The following LRRK2 variants were observed in gnomAD, a reference collection of about 807,000 sequenced individuals.
LRRK2 encodes leucine-rich repeat serine/threonine-protein kinase 2.
In LRRK2, 203 loss-of-function variants were observed where a neutral mutation model predicts 302.6. The ratio of observed to expected loss-of-function variants is 0.67; its 90% CI spans 0.60 to 0.75. LRRK2 has a LOEUF of 0.75. Among genes scored for constraint, LRRK2 ranks in the 30% least tolerant of loss-of-function variants. The pLI is 0.00. For missense variants in LRRK2, 2,830 were observed against 2,951.0 expected (o/e 0.96, Z 0.95); for synonymous variants, 1,066 against 1,031.9 (o/e 1.03, Z -0.63).
At chr12:40,362,979 A>G (rs1247358150) in intron 47 of LRRK2, among the ~76,000 whole-genome samples, 1 of 152,068 alleles carries the variant, frequency 6.6e-6, no homozygotes, top group Non-Finnish European at 1.5e-5. Context: ...TATATTTTAT[A>G]ACTCTAGGTA....
rs2136706126 is a variant in LRRK2, at chr12:40,293,554, G to C, written c.2699G>C (p.Gly900Ala). ...SDDLDSEGSE[G>A]SFLVKKKSNS... ...ATCATTTTCAAAATAGGAAGTGAAG[G>C]CTCATTTCTTGTGAAAAAGAAATCT... The change falls in exon 21 of 51, where the codon GGC becomes GCC. Residue 900 changes from glycine to alanine, a missense_variant. Gly to Ala is a moderately conservative substitution (Grantham distance 60). This residue lies in a region of LRRK2 where 2,121 missense variants were observed against 2,148.0 expected (regional missense o/e 0.99). Coordinates refer to ENST00000298910, the MANE Select transcript of LRRK2 (RefSeq NM_198578.4). The C allele has an allele frequency of 1.9e-6, 3 of 1,595,658 alleles. No homozygotes were observed. Among genetic ancestry groups the C allele is most frequent in the South Asian group, 1.1e-5 (1 of 90,418 alleles).
intron 20 of LRRK2, 113 bp downstream of exon 20, chr12:40,287,652 T>A: frequency 9.4e-7 from 1 of 1,067,262 alleles, no homozygotes; most frequent in Non-Finnish European, 1.4e-6. Flanking sequence ...TGAGTAGAAA[T>A]GTGTTTATTA....
chr12:40,331,008 A>G (rs1384513373), intron 39 of LRRK2, among the ~76,000 whole-genome samples: 1 of 151,996 alleles, frequency 6.6e-6, no homozygotes, highest in Non-Finnish European at 1.5e-5. Flanking sequence ...TAAAATGTCC[A>G]TAGGTGTTTC....
chr12:40,271,650 C>A (rs1289217786), intron 14 of LRRK2, among the ~76,000 whole-genome samples: 2 of 152,052 alleles, frequency 1.3e-5, no homozygotes, highest in African/African-American at 2.4e-5. Flanking sequence ...AAAGGAAATT[C>A]TATTGTGGGC....
Position 40,243,820 on chromosome 12 carries a change from A to T in LRRK2, c.838+139A>T, listed in dbSNP as rs972529922. On this transcript the variant is annotated intron_variant, in intron 7 of 50. Coordinates refer to ENST00000298910, the MANE Select transcript of LRRK2 (RefSeq NM_198578.4). The stretch of plus-strand genomic sequence containing the variant: ...AATATTGTAAAATCCCAGAAAAAAT[A>T]AATTAAAACAAAAAGAAAATACTGT... 3.5e-6 allele frequency: 3 copies of T among 864,210 alleles called. No homozygotes were observed. The Admixed American group carries it at 7.9e-5, about 23-fold the overall frequency. The allele number at this position is 864,210 out of a possible 1,614,324, so 53.5% of individuals were successfully genotyped here. A position where few individuals can be genotyped will look rare whatever the true frequency, so the allele number is the denominator to read the frequency against.
chr12:40,321,207 C>G lies in LRRK2; in HGVS notation c.5170+19C>G. On this transcript the variant is annotated intron_variant, in intron 35 of 50. Transcript: ENST00000298910. Reference sequence around the variant, plus strand: ...GGGAGAGGTAAGTATCTAATGAAGACTTATTAGATTTTTAGAGACTATTAA... The same window carrying G: ...GGGAGAGGTAAGTATCTAATGAAGAGTTATTAGATTTTTAGAGACTATTAA... The G allele has an allele frequency of 6.2e-7, 1 of 1,601,550 alleles. No homozygotes were observed.
chr12:40,327,153 G>T lies in LRRK2; in HGVS notation c.5657-1207G>T, dbSNP rs375932943. On this transcript the variant is annotated intron_variant, in intron 38 of 50. Transcript: ENST00000298910. The stretch of plus-strand genomic sequence containing the variant: ...AAACAGGATTTGCTAAATGTCGGTG[G>T]AGAGTAACAGTCCACGGGGCTGATC... Among the ~76,000 whole-genome samples the T allele has an allele frequency of 4.6e-5, 7 of 152,032 alleles. No individual in the cohort carries two copies. The South Asian group carries it at 8.3e-4, about 18-fold the overall frequency.
At chr12:40,336,223 A>T (rs775243693) in intron 40 of LRRK2, among the ~76,000 whole-genome samples, 4 of 152,150 alleles carry the variant, frequency 2.6e-5, no homozygotes, top group African/African-American at 4.8e-5. Flanking sequence ...GATTTCACTC[A>T]GGAATGTCTG....
chr12:40,231,234 AATTCTGTCAGGTAGAT>A, intron 2 of LRRK2, among the ~76,000 whole-genome samples: 1 of 151,974 alleles, frequency 6.6e-6, no homozygotes, highest in East Asian at 1.9e-4. Context: ...ATGTGGAGGA[AATTCTGTCAGGTAGAT>A]ATGACTTAAA....
chr12:40,266,445 C>A (rs1189284876), intron 14 of LRRK2, among the ~76,000 whole-genome samples: 1 of 152,186 alleles, frequency 6.6e-6, no homozygotes, highest in Non-Finnish European at 1.5e-5. Flanking sequence ...ATCAAAACCA[C>A]AATGATATAC....
Position 40,363,337 on chromosome 12 carries a change from A to G in LRRK2, c.7029-65A>G, listed in dbSNP as rs1946773059. ...ACATTAAGAACTAATATAAGGTTGT[A>G]TTACACGTAGAAATTTTAAGAAGAA... On this transcript the variant is annotated intron_variant, in intron 47 of 50. Coordinates refer to ENST00000298910, the MANE Select transcript of LRRK2 (RefSeq NM_198578.4). The G allele has an allele frequency of 6.0e-6, 9 of 1,492,370 alleles. No individual in the cohort carries two copies. In the South Asian group the frequency reaches 1.0e-4, roughly 17 times the overall value. The allele number at this position is 1,492,370 out of a possible 1,614,324, so 92.4% of individuals were successfully genotyped here.
At chr12:40,344,490 G>A (rs978813863) in intron 41 of LRRK2, among the ~76,000 whole-genome samples, 2 of 152,134 alleles carry the variant, frequency 1.3e-5, no homozygotes, top group Non-Finnish European at 2.9e-5. Context: ...TGACTTTGCT[G>A]TTCATTATCT....
intron 33 of LRRK2, chr12:40,316,166 T>C (rs1193374592): frequency 4.4e-6 from 1 of 227,810 alleles, no homozygotes; most frequent in Non-Finnish European, 7.3e-6. Flanking sequence ...CTGCCCGAGT[T>C]CCTAAAATTA....
At chr12:40,292,522 ATCT>A (rs1348101378) in intron 20 of LRRK2, among the ~76,000 whole-genome samples, 2 of 151,724 alleles carry the variant, frequency 1.3e-5, no homozygotes, top group African/African-American at 4.8e-5. Context: ...TAATTTAATA[ATCT>A]TTATAATTAT....
In LRRK2 at chr12:40,367,636, T is replaced by C. The variant is rs1482510780; in HGVS notation, c.7463-8T>C. On this transcript the variant is annotated splice_region_variant and splice_polypyrimidine_tract_variant and intron_variant, in intron 50 of 50. Transcript: ENST00000298910. ...TTGAAACATGATTTCATTTTTTTCTTTTTCTAGAGATACAATCTTGCTTGA... is the reference window on the plus strand; with the variant it reads ...TTGAAACATGATTTCATTTTTTTCTCTTTCTAGAGATACAATCTTGCTTGA... 1 of 1,597,248 alleles carries C rather than the reference T, an allele frequency of 6.3e-7. No homozygotes were observed. Among genetic ancestry groups the C allele is most frequent in the Admixed American group, 1.7e-5 (1 of 57,864 alleles).
chr12:40,286,070 G>A (rs950000377), intron 19 of LRRK2, among the ~76,000 whole-genome samples: 3 of 151,866 alleles, frequency 2.0e-5, no homozygotes, highest in Non-Finnish European at 4.4e-5. Flanking sequence ...GAGAGGGACA[G>A]AGGGAGATTT....
intron 4 of LRRK2, 65 bp downstream of exon 4, chr12:40,235,779 A>C: frequency 1.3e-6 from 1 of 789,188 alleles, no homozygotes; most frequent in Non-Finnish European, 2.1e-6. Context: ...CATTAAGTAA[A>C]TGTGTGTGTG....
intron 32 of LRRK2, among the ~76,000 whole-genome samples, chr12:40,314,811 G>A (rs553852587): frequency 3.9e-5 from 6 of 151,974 alleles, no homozygotes; most frequent in South Asian, 2.1e-4. Flanking sequence ...ATAGCTTCCC[G>A]TGGTTTATGA....
intron 30 of LRRK2, among the ~76,000 whole-genome samples, chr12:40,309,453 C>T (rs1039088656): frequency 4.6e-5 from 7 of 151,914 alleles, no homozygotes; most frequent in Non-Finnish European, 8.8e-5. Flanking sequence ...TTATTGGTAA[C>T]CTGAAACTCT....
Sources: allele counts gnomAD v4.1 joint callset (sites outside exome capture counted in the v4.1 genomes callset), GRCh38; gene constraint gnomAD v4.1.1; regional missense constraint gnomAD v4.1.1; transcripts MANE v1.5; gene names NCBI Gene and HGNC (gene_info 2026-07-23, HGNC 2026-07-21).